The following ATP13A4 variants were observed in gnomAD, a reference collection of about 807,000 sequenced individuals.
The protein encoded by ATP13A4 is ATPase 13A4.
A neutral mutation model predicts 142.5 loss-of-function variants in ATP13A4; 114 were observed. The ratio of observed to expected loss-of-function variants is 0.80; its 90% CI spans 0.69 to 0.93. The LOEUF is 0.93. ATP13A4 is among the 40% of genes least tolerant of loss of function. The probability of loss-of-function intolerance (pLI) is 0.00; values close to 1 mark genes in which losing one functional copy is unlikely to be tolerated. For missense variants in ATP13A4, 1,392 were observed against 1,454.0 expected (o/e 0.96, Z 0.69); for synonymous variants, 488 against 514.8 (o/e 0.95, Z 0.70).
chr3:193,581,225 T>C (rs1041956587), intron 2 of ATP13A4, among the ~76,000 whole-genome samples: 11 of 152,358 alleles, frequency 7.2e-5, no homozygotes, highest in African/African-American at 2.6e-4. Context: ...AAGAATATTG[T>C]CTCAATTATG....
chr3:193,440,612 G>A lies in ATP13A4; in HGVS notation c.2465C>T (p.Ala822Val). Residue 822 changes from alanine (A) to valine (V), a missense_variant, in exon 21 of 30, where the codon GCA becomes GTA. By Grantham distance (64) the Ala-to-Val change is moderately conservative (BLOSUM62 0). Transcript: ENST00000342695. ...PKILINGTIF[A>V]RMSPGQKSSL... ...GGACTTCTGCCCAGGAGACATTCTT[G>A]CAAAGATGGTCCCATTGATCAATAT... 6.2e-7 allele frequency: 1 copy of A among 1,614,010 alleles called. No homozygotes were observed. Among genetic ancestry groups the A allele is most frequent in the Non-Finnish European group, 8.5e-7 (1 of 1,179,920 alleles).
chr3:193,501,496 G>A (rs752392321), intron 3 of ATP13A4, among the ~76,000 whole-genome samples: 8 of 151,624 alleles, frequency 5.3e-5, no homozygotes, highest in Non-Finnish European at 8.8e-5. Flanking sequence ...GCTGAGGCAG[G>A]AGAATTGCTT....
intron 12 of ATP13A4, 67 bp from the exon 13 acceptor site, chr3:193,462,890 A>C: frequency 6.6e-7 from 1 of 1,505,942 alleles, no homozygotes; most frequent in Non-Finnish European, 9.2e-7. Context: ...CATGCCTGTA[A>C]TCCCAGCACT....
chr3:193,488,381 G>A (rs989414514), intron 7 of ATP13A4, among the ~76,000 whole-genome samples: 20 of 152,090 alleles, frequency 1.3e-4, no homozygotes, highest in African/African-American at 4.3e-4. Context: ...CAGAAAATAT[G>A]GTCCTAGTGG....
Position 193,441,505 on chromosome 3 carries a change from A to C in ATP13A4, c.2400T>G (p.Phe800Leu). The C allele has an allele frequency of 6.2e-7, 1 of 1,613,888 alleles. No homozygotes were observed. Among genetic ancestry groups the C allele is most frequent in the Non-Finnish European group, 8.5e-7 (1 of 1,179,844 alleles). ...SYHFALTGKS[F>L]HVISQHFSSL... ...TGCTGAAATGTTGACTTATAACATG[A>C]AAGGATTTTCCAGTTAGGGCAAAAT... The change falls in exon 20 of 30, where the codon TTT becomes TTG. Residue 800 changes from phenylalanine (F) to leucine (L), a missense_variant. Transcript: ENST00000342695.
At chr3:193,560,073 A>T (rs1282852197) in intron 2 of ATP13A4, among the ~76,000 whole-genome samples, 1 of 152,172 alleles carries the variant, frequency 6.6e-6, no homozygotes, top group African/African-American at 2.4e-5. Context: ...AGAAATTACT[A>T]AGTTACTTTC....
chr3:193,442,755 C>T (rs1716721727), intron 18 of ATP13A4, among the ~76,000 whole-genome samples, 199 bp from the exon 19 acceptor site: 2 of 152,176 alleles, frequency 1.3e-5, no homozygotes, highest in African/African-American at 4.8e-5. Context: ...CAGGTTGCTT[C>T]ATGATCTACC....
chr3:193,423,348 T>G (rs1308306827), intron 25 of ATP13A4, among the ~76,000 whole-genome samples: 5 of 149,194 alleles, frequency 3.4e-5, no homozygotes, highest in Non-Finnish European at 5.9e-5. Flanking sequence ...AGCAAATACT[T>G]CCAAACTCAT....
chr3:193,462,807 C>G lies in ATP13A4; in HGVS notation c.1478G>C (p.Arg493Thr). 1 of 1,613,926 alleles carries G rather than the reference C, an allele frequency of 6.2e-7. No individual in the cohort carries two copies. Among genetic ancestry groups the G allele is most frequent in the Non-Finnish European group, 8.5e-7 (1 of 1,179,886 alleles). The change falls in exon 13 of 30, where the codon AGG becomes ACG. Residue 493 changes from arginine to threonine, a missense_variant. By Grantham distance (71) the Arg-to-Thr change is moderately conservative. Coordinates refer to ENST00000342695, the MANE Select transcript of ATP13A4 (RefSeq NM_032279.4). ...VCFDKTGTLT[R>T]DGLDLWGVVS... ...GACTCCCCAGAGGTCCAAGCCGTCC[C>G]TTGTTAAGGTGCCTGTCTAAACAGA... is the stretch of plus-strand genomic sequence containing the variant.
intron 1 of ATP13A4, among the ~76,000 whole-genome samples, chr3:193,541,114 T>C (rs988287435): frequency 1.3e-5 from 2 of 151,686 alleles, no homozygotes; most frequent in African/African-American, 2.4e-5. Flanking sequence ...CCGGGCGTGG[T>C]GGCAGGCGCC....
chr3:193,547,789 A>G (rs955038031), intron 1 of ATP13A4, among the ~76,000 whole-genome samples: 16 of 152,196 alleles, frequency 1.1e-4, no homozygotes, highest in Non-Finnish European at 2.9e-5. Flanking sequence ...AGGTCCCTAC[A>G]CTTGGCTTAA....
intron 2 of ATP13A4, among the ~76,000 whole-genome samples, chr3:193,507,138 G>A (rs1305578606): frequency 6.6e-6 from 1 of 152,110 alleles, no homozygotes; most frequent in Non-Finnish European, 1.5e-5. Flanking sequence ...AAGTTCCAAT[G>A]AGACATTAGA....
At position 193,422,703 on chromosome 3, in the gene ATP13A4, G is replaced by A. The variant is rs142406198; in HGVS notation, c.2843-7953C>T. ...AAAAATGAAAATTGAAACAAACACA[G>A]CAAAACCTTTGGGATACAGCAAAAG... On this transcript the variant is annotated intron_variant, in intron 25 of 29. Coordinates refer to ENST00000342695, the MANE Select transcript of ATP13A4 (RefSeq NM_032279.4). Among the ~76,000 whole-genome samples the A allele has an allele frequency of 6.8e-4, 102 of 149,326 alleles. 3 individuals are homozygous for A. Among genetic ancestry groups the A allele is most frequent in the African/African-American group, 2.4e-3 (99 of 40,764 alleles).
chr3:193,455,576 A>G (rs1717559761), intron 16 of ATP13A4, among the ~76,000 whole-genome samples: 1 of 152,218 alleles, frequency 6.6e-6, no homozygotes, highest in African/African-American at 2.4e-5. Flanking sequence ...GTGCTTATAC[A>G]CTGTTGGTGG....
intron 29 of ATP13A4, among the ~76,000 whole-genome samples, chr3:193,404,672 T>C (rs1202722095): frequency 6.6e-6 from 1 of 152,146 alleles, no homozygotes; most frequent in Non-Finnish European, 1.5e-5. Context: ...CCCCTTTGCT[T>C]TCCGCCATGA....
intron 2 of ATP13A4, among the ~76,000 whole-genome samples, chr3:193,506,310 A>C (rs1315241282): frequency 6.6e-6 from 1 of 152,194 alleles, no homozygotes; most frequent in Non-Finnish European, 1.5e-5. Flanking sequence ...TTGCCTGGCA[A>C]ATCTGGACTT....
At chr3:193,440,671 A>C in intron 20 of ATP13A4, 34 bp from the exon 21 acceptor site, 1 of 1,603,674 alleles carries the variant, frequency 6.2e-7, no homozygotes, top group Non-Finnish European at 8.5e-7. Flanking sequence ...TTTTTTTATC[A>C]AGTCATCTGG....
chr3:193,454,945 AT>A (rs1717500482), intron 16 of ATP13A4, among the ~76,000 whole-genome samples: 1 of 152,300 alleles, frequency 6.6e-6, no homozygotes, highest in Non-Finnish European at 1.5e-5. Flanking sequence ...ACAGGGGAAA[AT>A]TTTTGCAAAC....
intron 1 of ATP13A4, among the ~76,000 whole-genome samples, chr3:193,536,004 A>G (rs1722572790): frequency 6.6e-6 from 1 of 152,084 alleles, no homozygotes; most frequent in Admixed American, 6.5e-5. Flanking sequence ...AAATTTTCAA[A>G]GAAGAAATCT....
Sources: allele counts gnomAD v4.1 joint callset (sites outside exome capture counted in the v4.1 genomes callset), GRCh38; gene constraint gnomAD v4.1.1; transcripts MANE v1.5; gene names NCBI Gene and HGNC (gene_info 2026-07-23, HGNC 2026-07-21).